RICTOR: variants seen among roughly 807,000 people sequenced by gnomAD.
RICTOR encodes the protein rapamycin-insensitive companion of mTOR.
RICTOR carries 49 observed loss-of-function variants against 214.9 expected under a neutral mutation model. That is an observed-to-expected ratio of 0.23 (90% CI 0.18 to 0.29). RICTOR has a LOEUF of 0.29. Among genes scored for constraint, RICTOR ranks in the 10% least tolerant of loss-of-function variants. The pLI is 1.00. For synonymous variants in RICTOR, 717 were observed against 711.3 expected, an observed-to-expected ratio of 1.01 and a Z score of -0.13; for missense variants, 1,625 against 2,047.0, an observed-to-expected ratio of 0.79 and a Z score of 3.98.
intron 3 of RICTOR, among the ~76,000 whole-genome samples, chr5:39,017,168 TG>T (rs1236202751): frequency 6.6e-6 from 1 of 152,142 alleles, no homozygotes; most frequent in Non-Finnish European, 1.5e-5. Context: ...TTCAGAATCC[TG>T]TTGGCAAGAG....
rs138245343 is a variant in RICTOR at position 38,950,017 on chromosome 5, C to G, written c.3831G>C (p.Leu1277=). 11 of 1,613,364 alleles carry G rather than the reference C, an allele frequency of 6.8e-6. No individual in the cohort carries two copies. The African/African-American group carries it at 1.3e-4, about 20-fold the overall frequency. The change falls in exon 31 of 38, where the codon CTG becomes CTC. Residue 1277 remains leucine (L), a synonymous_variant. Coordinates refer to ENST00000357387, the MANE Select transcript of RICTOR (RefSeq NM_152756.5). ...ACACCGAATTTGATTTGGAGAGAGA[C>G]AGATGGTTAGACTGTGGCGTCAAAT... ...SHYLTPQSNH[L]SLSKSNSVSL...
chr5:38,986,227 G>T (rs1239257), intron 7 of RICTOR, among the ~76,000 whole-genome samples: 52,385 of 151,882 alleles, frequency 0.34, 9,109 homozygotes, highest in Middle Eastern at 0.37. Flanking sequence ...CTTCCCCTTC[G>T]CTCTTTCTCC....
chr5:38,947,474 T>C, intron 31 of RICTOR, 33 bp from the exon 32 acceptor site: 1 of 1,459,224 alleles, frequency 6.9e-7, no homozygotes, highest in Non-Finnish European at 9.5e-7. Context: ...CTTGCATTAG[T>C]TTCTTGATCT....
chr5:38,994,451 A>AAAAAAAAAAAAAAAAAAAAAAAAAG lies in RICTOR; in HGVS notation c.456+2367_456+2368insCTTTTTTTTTTTTTTTTTTTTTTTT, dbSNP rs1304761708. Reference sequence around the variant, plus strand: ...AAAAAAAAAAAAAAAAAAAAAAAAAAAGTGCTTCAGATGCCAAAAGCACTA... The same window carrying AAAAAAAAAAAAAAAAAAAAAAAAAG: ...AAAAAAAAAAAAAAAAAAAAAAAAAAAAAAAAAAAAAAAAAAAAAAAAAAGAGTGCTTCAGATGCCAAAAGCACTA... On this transcript the variant is annotated intron_variant, in intron 6 of 37. Transcript: ENST00000357387. Among the ~76,000 whole-genome samples the AAAAAAAAAAAAAAAAAAAAAAAAAG allele has an allele frequency of 1.7e-4, 17 of 101,562 alleles. 4 individuals are homozygous for AAAAAAAAAAAAAAAAAAAAAAAAAG. The highest frequency in any genetic ancestry group is 5.7e-4 in the East Asian group (2 of 3,496). The allele number at this position is 101,562 out of a possible 152,430, so 66.6% of individuals were successfully genotyped here. A position where few individuals can be genotyped will look rare whatever the true frequency, so the allele number is the denominator to read the frequency against.
At chr5:39,048,834 A>G (rs1270141237) in intron 2 of RICTOR, among the ~76,000 whole-genome samples, 1 of 152,222 alleles carries the variant, frequency 6.6e-6, no homozygotes, top group Non-Finnish European at 1.5e-5. Flanking sequence ...TGAGGACTGT[A>G]GGCTAACCCT....
chr5:38,997,388 CAAACTGACATTTCTTTGT>C (rs1234477573), intron 5 of RICTOR, among the ~76,000 whole-genome samples: 1 of 152,060 alleles, frequency 6.6e-6, no homozygotes, highest in Non-Finnish European at 1.5e-5. Context: ...CAAATAGCAC[CAAACTGACATTTCTTTGT>C]AAAATTTATT....
At chr5:38,967,911 A>G (rs2150033637) in intron 12 of RICTOR, 32 bp downstream of exon 12, 2 of 1,093,476 alleles carry the variant, frequency 1.8e-6, no homozygotes, top group East Asian at 2.4e-5. Flanking sequence ...ATTACAATAT[A>G]TGAAAAGATA....
chr5:39,013,566 C>T (rs865973491), intron 3 of RICTOR, among the ~76,000 whole-genome samples: 1 of 152,080 alleles, frequency 6.6e-6, no homozygotes, highest in Non-Finnish European at 1.5e-5. Context: ...GTTCTAAATG[C>T]TACTCCCATT....
intron 7 of RICTOR, among the ~76,000 whole-genome samples, chr5:38,990,512 C>T (rs78641487): frequency 1.1e-5 from 1 of 92,172 alleles, no homozygotes; most frequent in Admixed American, 1.1e-4. Context: ...ACGATATATA[C>T]ACGATATATA....
Position 38,938,050 on chromosome 5 carries a change from C to A in RICTOR, c.*4254G>T, listed in dbSNP as rs1747161497. On this transcript the variant is annotated 3_prime_UTR_variant, in exon 38 of 38. Transcript: ENST00000357387. ...ACAAGAAAATCACAACAAAAAAAAT[C>A]AAGGTGAGCAAAACCATTTGGGGAC... is the stretch of plus-strand genomic sequence containing the variant. 4.9e-6 allele frequency: 1 copy of A among 203,518 alleles called. No homozygotes were observed. The highest frequency in any genetic ancestry group is 1.0e-5 in the Non-Finnish European group (1 of 99,186). The allele number at this position is 203,518 out of a possible 1,614,324, so 12.6% of individuals were successfully genotyped here.
intron 2 of RICTOR, among the ~76,000 whole-genome samples, chr5:39,025,963 A>G (rs1755788039): frequency 6.6e-6 from 1 of 152,196 alleles, no homozygotes; most frequent in Admixed American, 6.5e-5. Context: ...TGAGATTGAC[A>G]TGATTTTTAT....
At chr5:39,043,724 T>G (rs1320266248) in intron 2 of RICTOR, among the ~76,000 whole-genome samples, 1 of 152,008 alleles carries the variant, frequency 6.6e-6, no homozygotes, top group Non-Finnish European at 1.5e-5. Context: ...TATTGAGAGG[T>G]GGGGTCTTGA....
rs191759993 is a variant in RICTOR at position 38,959,160 on chromosome 5, T to C, written c.2178+35A>G. ...TTCATAAAGTAGTGAATTAATTGGTTATAAATATAGTTTTACTGGCTATGT... is the reference window on the plus strand; with the variant it reads ...TTCATAAAGTAGTGAATTAATTGGTCATAAATATAGTTTTACTGGCTATGT... On this transcript the variant is annotated intron_variant, in intron 22 of 37. Coordinates refer to ENST00000357387, the MANE Select transcript of RICTOR (RefSeq NM_152756.5). 3.2e-5 allele frequency: 47 copies of C among 1,482,236 alleles called. No individual in the cohort carries two copies. The East Asian group carries it at 7.1e-4, about 22-fold the overall frequency. The allele number at this position is 1,482,236 out of a possible 1,614,324, so 91.8% of individuals were successfully genotyped here.
At chr5:39,000,600 T>C (rs899583561) in intron 5 of RICTOR, among the ~76,000 whole-genome samples, 1 of 152,008 alleles carries the variant, frequency 6.6e-6, no homozygotes, top group African/African-American at 2.4e-5. Flanking sequence ...AACTTGTCCA[T>C]TATTATCATT....
rs771009908 is a variant in RICTOR, at chr5:38,945,478, C to T, written c.4633+13G>A. 9.0e-6 allele frequency: 14 copies of T among 1,553,286 alleles called. No homozygotes were observed. The highest frequency in any genetic ancestry group is 1.7e-4 in the Middle Eastern group (1 of 5,916). On this transcript the variant is annotated intron_variant, in intron 34 of 37. Transcript: ENST00000357387. Reference sequence around the variant, plus strand: ...TCACTAGGTTTTTCTGAAGGTGGGACGTGATCACTTACCTGAATGACTACA... The same window carrying T: ...TCACTAGGTTTTTCTGAAGGTGGGATGTGATCACTTACCTGAATGACTACA...
At chr5:39,044,596 CA>C (rs1757368137) in intron 2 of RICTOR, among the ~76,000 whole-genome samples, 1 of 151,976 alleles carries the variant, frequency 6.6e-6, no homozygotes. Context: ...TATAATTTTC[CA>C]AAAACCCTAA....
At chr5:38,943,825 C>T (rs1747875337) in intron 36 of RICTOR, among the ~76,000 whole-genome samples, 1 of 151,894 alleles carries the variant, frequency 6.6e-6, no homozygotes. Flanking sequence ...AAAAGAAATA[C>T]AAAATACAAA....
Position 38,967,497 on chromosome 5 carries a change from A to T in RICTOR, c.1061-70T>A, listed in dbSNP as rs1011597647. On this transcript the variant is annotated intron_variant, in intron 12 of 37. Coordinates refer to ENST00000357387, the MANE Select transcript of RICTOR (RefSeq NM_152756.5). ...AAACATTTCAGATAAGTATAAAACC[A>T]TCAGCTAGCCAGGCTATAAAGAACT... The T allele has an allele frequency of 4.4e-6, 5 of 1,141,692 alleles. No individual in the cohort carries two copies. In the South Asian group the frequency reaches 6.8e-5, roughly 15 times the overall value. 70.7% of individuals were successfully genotyped at this position (1,141,692 alleles called of 1,614,324 possible). A position where few individuals can be genotyped will look rare whatever the true frequency, so the allele number is the denominator to read the frequency against.
chr5:38,970,358 C>A (rs1419782255), intron 11 of RICTOR: 1 of 152,086 alleles, frequency 6.6e-6, no homozygotes, highest in Non-Finnish European at 1.5e-5. Flanking sequence ...CCTAATTGTG[C>A]AAAAAAGCAA....
Sources: allele counts gnomAD v4.1 joint callset (sites outside exome capture counted in the v4.1 genomes callset), GRCh38; gene constraint gnomAD v4.1.1; transcripts MANE v1.5; gene names NCBI Gene and HGNC (gene_info 2026-07-23, HGNC 2026-07-21).